The following NEK7 variants were observed in gnomAD, a reference collection of about 807,000 sequenced individuals.
The protein encoded by NEK7 is NIMA related kinase 7.
Under a neutral mutation model 44.6 loss-of-function variants are expected in NEK7, and 18 were observed. The observed-to-expected ratio is 0.40, with a 90% CI of 0.28 to 0.60. The LOEUF (loss-of-function observed/expected upper bound fraction) is 0.60. Among genes scored for constraint, NEK7 ranks in the 20% least tolerant of loss-of-function variants. NEK7 has a pLI of 0.38. For missense variants in NEK7, 256 were observed against 366.5 expected, an observed-to-expected ratio of 0.70 and a Z score of 2.46; for synonymous variants, 130 against 121.1, an observed-to-expected ratio of 1.07 and a Z score of -0.48.
intron 2 of NEK7, among the ~76,000 whole-genome samples, chr1:198,241,792 C>T (rs1666691558): frequency 6.6e-6 from 1 of 152,168 alleles, no homozygotes; most frequent in Admixed American, 6.5e-5. Context: ...GTTTTTACCT[C>T]ATCAAGTTGA....
At chr1:198,279,211 T>TATAAA in intron 7 of NEK7, 150 bp downstream of exon 7, 1 of 506,332 alleles carries the variant, frequency 2.0e-6, no homozygotes, top group East Asian at 3.3e-5. Context: ...AACTCTCTAT[T>TATAAA]AGGTATAAGG....
chr1:198,177,228 G>A (rs927133561), intron 1 of NEK7, among the ~76,000 whole-genome samples: 27 of 152,198 alleles, frequency 1.8e-4, no homozygotes, highest in African/African-American at 6.5e-4. Context: ...AGTAGTAGTA[G>A]GTAAACACAC....
intron 7 of NEK7, among the ~76,000 whole-genome samples, chr1:198,290,952 T>TA (rs1002731182): frequency 6.6e-5 from 10 of 152,186 alleles, no homozygotes; most frequent in Non-Finnish European, 4.4e-5. Flanking sequence ...AAGTTTAGCT[T>TA]AGTAGAATTC....
chr1:198,212,376 C>T (rs1321083952), intron 1 of NEK7, among the ~76,000 whole-genome samples: 4 of 152,162 alleles, frequency 2.6e-5, no homozygotes, highest in Non-Finnish European at 5.9e-5. Flanking sequence ...TTCAGCTAGC[C>T]GCTGTTAGCA....
chr1:198,257,980 A>C (rs1653331600), intron 3 of NEK7, among the ~76,000 whole-genome samples: 2 of 152,212 alleles, frequency 1.3e-5, no homozygotes, highest in Admixed American at 1.3e-4. Flanking sequence ...AAATAAATCA[A>C]ATAATTATAG....
chr1:198,256,258 C>T, intron 3 of NEK7: 2 of 1,426,786 alleles, frequency 1.4e-6, no homozygotes, highest in Admixed American at 2.7e-5. Context: ...TACTTTGTGC[C>T]ACTCCATTTA....
intron 7 of NEK7, among the ~76,000 whole-genome samples, chr1:198,279,535 G>A (rs1433225076): frequency 6.6e-6 from 1 of 151,906 alleles, no homozygotes; most frequent in Non-Finnish European, 1.5e-5. Context: ...TAAAAGGAGT[G>A]ATAGGGCTTA....
At chr1:198,257,597 T>A (rs894911609) in intron 3 of NEK7, among the ~76,000 whole-genome samples, 3 of 152,206 alleles carry the variant, frequency 2.0e-5, no homozygotes, top group Admixed American at 1.3e-4. Flanking sequence ...TCTATAGACT[T>A]CCTTTCAGAT....
At chr1:198,171,826 G>A (rs1664453554) in intron 1 of NEK7, among the ~76,000 whole-genome samples, 1 of 152,100 alleles carries the variant, frequency 6.6e-6, no homozygotes, top group African/African-American at 2.4e-5. Flanking sequence ...TCCTTTGCCT[G>A]GTTAACTCCC....
Position 198,317,883 on chromosome 1 carries a change from T to G in NEK7, c.799-1529T>G, listed in dbSNP as rs7529305. On this transcript the variant is annotated intron_variant, in intron 9 of 9. Transcript: ENST00000367385. ...TGTATTACTGGATATATTTATTTTT[T>G]TTTTTTTTTTTTTTTTTGGTAACCT... Among the ~76,000 whole-genome samples, 76 of 42,792 alleles carry G rather than the reference T, an allele frequency of 1.8e-3. 4 individuals carry two copies. Among genetic ancestry groups the G allele is most frequent in the African/African-American group, 9.7e-3 (43 of 4,434 alleles). 28.1% of individuals were successfully genotyped at this position (42,792 alleles called of 152,430 possible).
chr1:198,258,782 T>C (rs1653358596), intron 3 of NEK7, among the ~76,000 whole-genome samples: 2 of 152,200 alleles, frequency 1.3e-5, no homozygotes, highest in South Asian at 2.1e-4. Flanking sequence ...GAAGAAACTT[T>C]GGTGGAGCTG....
intron 9 of NEK7, among the ~76,000 whole-genome samples, chr1:198,303,822 G>GC (rs1654955028): frequency 6.6e-6 from 1 of 152,032 alleles, no homozygotes; most frequent in Admixed American, 6.5e-5. Context: ...GTAATCAAAT[G>GC]CTGAAGTAAG....
chr1:198,300,571 G>C (rs1279287717), intron 9 of NEK7, among the ~76,000 whole-genome samples: 1 of 152,200 alleles, frequency 6.6e-6, no homozygotes, highest in Non-Finnish European at 1.5e-5. Flanking sequence ...TCCCTTGGCA[G>C]TTACGCCATG....
intron 9 of NEK7, among the ~76,000 whole-genome samples, chr1:198,299,064 C>G (rs1458447779): frequency 6.6e-6 from 1 of 152,154 alleles, no homozygotes; most frequent in East Asian, 1.9e-4. Context: ...TATATAGTTA[C>G]CAGTTTCGAA....
intron 1 of NEK7, among the ~76,000 whole-genome samples, chr1:198,179,063 A>G (rs1451040378): frequency 6.6e-6 from 1 of 151,606 alleles, no homozygotes; most frequent in Non-Finnish European, 1.5e-5. Flanking sequence ...GATATGGTCA[A>G]TATAAAAACA....
intron 7 of NEK7, among the ~76,000 whole-genome samples, chr1:198,282,382 T>A (rs1224279828): frequency 6.6e-6 from 1 of 152,066 alleles, no homozygotes; most frequent in African/African-American, 2.4e-5. Context: ...CCACTCTGAT[T>A]ATTGACTGAC....
At chr1:198,275,528 T>A (rs1449585791) in intron 5 of NEK7, among the ~76,000 whole-genome samples, 1 of 151,250 alleles carries the variant, frequency 6.6e-6, no homozygotes, top group African/African-American at 2.4e-5. Context: ...AGCTAAACAT[T>A]TATATAGGGC....
intron 3 of NEK7, among the ~76,000 whole-genome samples, chr1:198,261,375 A>C (rs977117221): frequency 6.6e-6 from 1 of 151,970 alleles, no homozygotes; most frequent in African/African-American, 2.4e-5. Context: ...TTTGAGCCTC[A>C]ATCCTCATCT....
chr1:198,177,826 A>T (rs528998613), intron 1 of NEK7, among the ~76,000 whole-genome samples: 4 of 152,188 alleles, frequency 2.6e-5, no homozygotes, highest in African/African-American at 9.6e-5. Context: ...GAGGCCTTTA[A>T]ATAACTTGGA....
Sources: allele counts gnomAD v4.1 joint callset (sites outside exome capture counted in the v4.1 genomes callset), GRCh38; gene constraint gnomAD v4.1.1; transcripts MANE v1.5; gene names NCBI Gene and HGNC (gene_info 2026-07-23, HGNC 2026-07-21).